Variants in H2BC18 observed in about 807,000 individuals in gnomAD.
The protein encoded by H2BC18 is histone H2B type 2-F.
In H2BC18, 8 loss-of-function variants were observed where a neutral mutation model predicts 6.3. The ratio of observed to expected loss-of-function variants is 1.28; its 90% CI spans 0.75 to 2.31. The LOEUF (loss-of-function observed/expected upper bound fraction) is 2.31, where lower values mean the gene tolerates loss of function less well. Among genes scored for constraint, H2BC18 ranks in the 30% most tolerant of loss-of-function variants. The probability of loss-of-function intolerance (pLI) is 0.00; values close to 1 mark genes in which losing one functional copy is unlikely to be tolerated. For synonymous variants in H2BC18, 104 were observed against 78.1 expected, an observed-to-expected ratio of 1.33 and a Z score of -1.75; for missense variants, 106 against 174.5, an observed-to-expected ratio of 0.61 and a Z score of 2.21.
intron 1 of H2BC18, among the ~76,000 whole-genome samples, chr1:149,801,476 TA>T (rs11310326): frequency 0.024 from 2,953 of 125,324 alleles, 1 homozygote; most frequent in African/African-American, 0.086. Context: ...TGTTTATTAG[TA>T]GGAAACATTA....
downstream of H2BC18, among the ~76,000 whole-genome samples, chr1:149,807,493 G>A (rs1217676431): frequency 2.9e-4 from 30 of 103,478 alleles, no homozygotes; most frequent in African/African-American, 1.1e-3. Context: ...CCCTGTCTGG[G>A]AAAAGAAAAA....
intron 1 of H2BC18, among the ~76,000 whole-genome samples, chr1:149,806,030 A>C (rs1413949795): frequency 1.3e-5 from 2 of 152,190 alleles, no homozygotes; most frequent in Non-Finnish European, 2.9e-5. Context: ...AGAGGGTAAG[A>C]GGGCAAGGGC....
chr1:149,801,848 C>T (rs138114946), intron 1 of H2BC18, among the ~76,000 whole-genome samples: 3,563 of 151,216 alleles, frequency 0.024, 84 homozygotes, highest in African/African-American at 0.078. Flanking sequence ...TGTTTCATTA[C>T]GCTTCTATCT....
rs781803172 is a variant in H2BC18 at position 149,792,692 on chromosome 1, G to C, written c.378-9432C>G. 3.1e-6 allele frequency: 4 copies of C among 1,281,630 alleles called. 1 individual carries two copies. The African/African-American group carries it at 6.2e-5, about 20-fold the overall frequency. 79.4% of individuals were successfully genotyped at this position (1,281,630 alleles called of 1,614,324 possible). On this transcript the variant is annotated intron_variant, in intron 1 of 1. Transcript: ENST00000545683. ...GCCGCCAGCGCCCGGGGACCCAGCT[G>C]CGGCGAAAGCTGTTGGGCGCGCGCT...
chr1:149,797,594 C>T (rs2091814053), intron 1 of H2BC18, among the ~76,000 whole-genome samples: 1 of 152,016 alleles, frequency 6.6e-6, no homozygotes, highest in East Asian at 1.9e-4. Context: ...TTGTTGTGTT[C>T]CTTTGTTAGC....
downstream of H2BC18, chr1:149,811,011 G>A (rs1468718847): frequency 6.6e-6 from 1 of 152,178 alleles, no homozygotes; most frequent in Non-Finnish European, 1.5e-5. Context: ...TGTGGAGAAG[G>A]ACCTGTAAAC....
chr1:149,793,182 G>A, intron 1 of H2BC18: 1 of 1,278,628 alleles, frequency 7.8e-7, no homozygotes, highest in Non-Finnish European at 1.0e-6. Context: ...CGGGAGGACG[G>A]CGCTGGGCTC....
chr1:149,796,498 A>C (rs2091802061), intron 1 of H2BC18, among the ~76,000 whole-genome samples: 1 of 152,218 alleles, frequency 6.6e-6, no homozygotes, highest in African/African-American at 2.4e-5. Context: ...GCAGAAAAAT[A>C]CTTCGAAGAG....
At chr1:149,806,739 A>G (rs1406241082) in intron 1 of H2BC18, among the ~76,000 whole-genome samples, 1 of 152,268 alleles carries the variant, frequency 6.6e-6, no homozygotes, top group African/African-American at 2.4e-5. Flanking sequence ...ACAAGAAATT[A>G]GGAAGCCAGT....
intron 1 of H2BC18, among the ~76,000 whole-genome samples, chr1:149,799,596 A>T (rs1214272785): frequency 6.6e-6 from 1 of 152,290 alleles, no homozygotes; most frequent in East Asian, 1.9e-4. Flanking sequence ...GAAATTGTGC[A>T]GTGCACAATC....
downstream of H2BC18, among the ~76,000 whole-genome samples, chr1:149,807,624 G>A (rs1204911982): frequency 6.6e-6 from 1 of 151,506 alleles, no homozygotes; most frequent in Non-Finnish European, 1.5e-5. Flanking sequence ...TGGCCAACAT[G>A]GTGAAACCCC....
intron 1 of H2BC18, among the ~76,000 whole-genome samples, chr1:149,801,764 C>T (rs1423797230): frequency 1.3e-5 from 2 of 151,772 alleles, no homozygotes; most frequent in Non-Finnish European, 2.9e-5. Flanking sequence ...TACCCATCAA[C>T]TCAATCTACA....
chr1:149,803,413 C>T (rs1482702324), intron 1 of H2BC18, among the ~76,000 whole-genome samples: 2 of 152,208 alleles, frequency 1.3e-5, no homozygotes, highest in Admixed American at 6.5e-5. Flanking sequence ...TCATGTAAAG[C>T]AACTGAGATC....
downstream of H2BC18, chr1:149,811,838 C>T (rs1254066782): frequency 9.5e-7 from 1 of 1,050,250 alleles, no homozygotes; most frequent in Non-Finnish European, 1.4e-6. Context: ...CAAAAGCTAT[C>T]AAACGCTCTG....
chr1:149,791,630 G>A (rs2091716335), intron 1 of H2BC18: 1 of 1,519,598 alleles, frequency 6.6e-7, no homozygotes, highest in Non-Finnish European at 8.8e-7. Flanking sequence ...TGTGTCTCAT[G>A]GTATGTAACT....
chr1:149,790,174 T>A, intron 1 of H2BC18: 7 of 1,613,892 alleles, frequency 4.3e-6, no homozygotes, highest in Non-Finnish European at 5.9e-6. Flanking sequence ...CAGCTTTACT[T>A]CTCCTTCTAC....
chr1:149,808,359 G>C (rs1262843996), downstream of H2BC18, among the ~76,000 whole-genome samples: 2 of 152,116 alleles, frequency 1.3e-5, no homozygotes, highest in Non-Finnish European at 2.9e-5. Flanking sequence ...GAATTTTCCT[G>C]AACTCTCCAA....
Position 149,812,365 on chromosome 1 carries a change from C to T in H2BC18, c.-42G>A, listed in dbSNP as rs782128606. On this transcript the variant is annotated 5_prime_UTR_variant, in exon 1 of 1. Coordinates refer to ENST00000369167, the MANE Select transcript of H2BC18 (RefSeq NM_001024599.5). ...AGAAAAGAGACTTAAAGAAGTAATC[C>T]GAACTACCGCAAAACGGGCTGGTTA... 1.2e-6 allele frequency: 2 copies of T among 1,613,606 alleles called. No homozygotes were observed. The highest frequency in any genetic ancestry group is 2.2e-5 in the East Asian group (1 of 44,886).
chr1:149,811,604 G>C (rs587626817), downstream of H2BC18: 33 of 359,544 alleles, frequency 9.2e-5, no homozygotes, highest in African/African-American at 6.7e-4. Flanking sequence ...AAAGATACAG[G>C]TTAAAGGCCG....
Sources: gnomAD v4.1 joint callset for allele counts (sites outside exome capture counted in the v4.1 genomes callset) on GRCh38, gnomAD v4.1.1 for gene constraint, MANE v1.5 for transcripts, NCBI Gene and HGNC (gene_info 2026-07-23, HGNC 2026-07-21) for gene names.